LNX1: variants seen among roughly 807,000 people sequenced by gnomAD.
LNX1 encodes E3 ubiquitin-protein ligase LNX.
LNX1 carries 54 observed loss-of-function variants against 68.4 expected under a neutral mutation model. That is an observed-to-expected ratio of 0.79 (90% CI 0.63 to 0.99). LNX1 has a LOEUF of 0.99. Among genes scored for constraint, LNX1 ranks in the 50% least tolerant of loss-of-function variants. LNX1 has a pLI of 0.00. For missense variants in LNX1, 906 were observed against 926.4 expected (o/e 0.98, Z 0.29); for synonymous variants, 336 against 350.0 (o/e 0.96, Z 0.45).
Position 53,460,743 on chromosome 4 carries a change from A to G in LNX1, c.*164T>C, listed in dbSNP as rs1721867771. 1 of 663,304 alleles carries G rather than the reference A, an allele frequency of 1.5e-6. No homozygotes were observed. The highest frequency in any genetic ancestry group is 2.3e-5 in the South Asian group (1 of 43,952). The allele number at this position is 663,304 out of a possible 1,614,324, so 41.1% of individuals were successfully genotyped here. A position where few individuals can be genotyped will look rare whatever the true frequency, so the allele number is the denominator to read the frequency against. ...TAGTAGTTTTAATTTTTTTGGAATCATATTTTCTGAGGTGTAACTGGCTTT... is the reference window on the plus strand; with the variant it reads ...TAGTAGTTTTAATTTTTTTGGAATCGTATTTTCTGAGGTGTAACTGGCTTT... On this transcript the variant is annotated 3_prime_UTR_variant, in exon 11 of 11. Transcript: ENST00000263925.
intron 2 of LNX1, among the ~76,000 whole-genome samples, chr4:53,530,521 G>A (rs1406287403): frequency 6.6e-6 from 1 of 152,172 alleles, no homozygotes; most frequent in Non-Finnish European, 1.5e-5. Flanking sequence ...AAGATCTTCA[G>A]TGAAACACTT....
At chr4:53,503,253 A>T (rs1380213609) in intron 4 of LNX1, among the ~76,000 whole-genome samples, 1 of 152,224 alleles carries the variant, frequency 6.6e-6, no homozygotes, top group Non-Finnish European at 1.5e-5. Flanking sequence ...TCTTAATGGC[A>T]TGTAGAAGGG....
At chr4:53,648,733 G>T (rs146807256) in intron 1 of LNX1, among the ~76,000 whole-genome samples, 368 of 152,308 alleles carry the variant, frequency 2.4e-3, no homozygotes, top group African/African-American at 8.2e-3. Flanking sequence ...CTGGAGAAAG[G>T]CCACTAAGTC....
chr4:53,651,174 C>T (rs1077966), intron 1 of LNX1, among the ~76,000 whole-genome samples: 25,340 of 152,098 alleles, frequency 0.17, 2,251 homozygotes, highest in African/African-American at 0.23. Flanking sequence ...TTGGTGTAAG[C>T]AAATGTTCAC....
chr4:53,545,345 C>T (rs1729033905), intron 2 of LNX1, among the ~76,000 whole-genome samples: 2 of 152,154 alleles, frequency 1.3e-5, no homozygotes, highest in African/African-American at 4.8e-5. Flanking sequence ...TCCATCTCAG[C>T]CCCCCAACCT....
chr4:53,470,160 A>C (rs1413470805), intron 9 of LNX1, among the ~76,000 whole-genome samples: 1 of 152,246 alleles, frequency 6.6e-6, no homozygotes, highest in Non-Finnish European at 1.5e-5. Context: ...AGTGGGCTTC[A>C]TCCCTGGGAT....
chr4:53,517,047 C>T (rs1043112007), intron 2 of LNX1, among the ~76,000 whole-genome samples: 1 of 152,158 alleles, frequency 6.6e-6, no homozygotes, highest in African/African-American at 2.4e-5. Context: ...TGGGAGTAAA[C>T]GTCCTGCTTT....
At chr4:53,532,787 G>A (rs1728108342) in intron 2 of LNX1, among the ~76,000 whole-genome samples, 2 of 152,194 alleles carry the variant, frequency 1.3e-5, no homozygotes, top group South Asian at 4.1e-4. Flanking sequence ...GGGGCAGCAG[G>A]GCGATGGGTT....
intron 1 of LNX1, among the ~76,000 whole-genome samples, chr4:53,645,970 G>A (rs912083807): frequency 1.3e-5 from 2 of 152,204 alleles, no homozygotes; most frequent in Non-Finnish European, 2.9e-5. Flanking sequence ...GATGAGGAAA[G>A]CTTGGTACTT....
chr4:53,640,361 G>A (rs1157968226), intron 1 of LNX1, among the ~76,000 whole-genome samples: 1 of 152,158 alleles, frequency 6.6e-6, no homozygotes. Flanking sequence ...GGAACAGGCC[G>A]AGATGCTTAC....
At chr4:53,574,134 A>G in intron 1 of LNX1, 46 bp from the exon 2 acceptor site, 3 of 1,337,590 alleles carry the variant, frequency 2.2e-6, no homozygotes, top group Non-Finnish European at 3.0e-6. Flanking sequence ...AGCACATGAA[A>G]GGCTTATGCT....
At chr4:53,643,865 G>T (rs1345570207) in intron 1 of LNX1, among the ~76,000 whole-genome samples, 1 of 152,148 alleles carries the variant, frequency 6.6e-6, no homozygotes, top group Non-Finnish European at 1.5e-5. Context: ...TAGCACATGG[G>T]AAGAATTCAG....
chr4:53,507,143 A>G (rs1369673163), intron 4 of LNX1, among the ~76,000 whole-genome samples, 174 bp downstream of exon 4: 1 of 152,194 alleles, frequency 6.6e-6, no homozygotes, highest in East Asian at 1.9e-4. Flanking sequence ...AGATGATAAT[A>G]CTTTCTGCCT....
At chr4:53,623,133 C>T (rs1433212821) in intron 1 of LNX1, among the ~76,000 whole-genome samples, 2 of 151,726 alleles carry the variant, frequency 1.3e-5, no homozygotes, top group East Asian at 1.9e-4. Flanking sequence ...ATACATTGCA[C>T]GGCTGGACTA....
At chr4:53,644,052 C>A (rs370366722) in intron 1 of LNX1, among the ~76,000 whole-genome samples, 1 of 151,996 alleles carries the variant, frequency 6.6e-6, no homozygotes, top group Non-Finnish European at 1.5e-5. Context: ...AGCAAAACCC[C>A]GTGGGTAGAC....
At chr4:53,644,234 C>T (rs1734795508) in intron 1 of LNX1, among the ~76,000 whole-genome samples, 1 of 152,038 alleles carries the variant, frequency 6.6e-6, no homozygotes, top group African/African-American at 2.4e-5. Flanking sequence ...AACTCTGTCT[C>T]TACTAAAAAT....
At chr4:53,554,052 T>C (rs1167519794) in intron 2 of LNX1, among the ~76,000 whole-genome samples, 2 of 152,242 alleles carry the variant, frequency 1.3e-5, no homozygotes, top group African/African-American at 4.8e-5. Context: ...ACGTGGGCTG[T>C]ATAGGAGACG....
intron 2 of LNX1, among the ~76,000 whole-genome samples, chr4:53,514,535 G>C (rs1726603909): frequency 6.6e-6 from 1 of 152,138 alleles, no homozygotes; most frequent in Admixed American, 6.5e-5. Flanking sequence ...GATCTTGTGA[G>C]ACTTATTCAC....
chr4:53,470,565 T>A (rs1579360317), intron 9 of LNX1, among the ~76,000 whole-genome samples: 2 of 152,204 alleles, frequency 1.3e-5, no homozygotes, highest in Admixed American at 6.5e-5. Context: ...TGTTTGCAGA[T>A]GACATGACTG....
Sources: gnomAD v4.1 joint callset for allele counts (sites outside exome capture counted in the v4.1 genomes callset) on GRCh38, gnomAD v4.1.1 for gene constraint, MANE v1.5 for transcripts, NCBI Gene and HGNC (gene_info 2026-07-23, HGNC 2026-07-21) for gene names.